The following DNAJC11 variants were observed in gnomAD, a reference collection of about 807,000 sequenced individuals.
DNAJC11 encodes the protein DnaJ heat shock protein family (Hsp40) member C11.
Under a neutral mutation model 78.6 loss-of-function variants are expected in DNAJC11, and 15 were observed. The observed-to-expected ratio is 0.19, with a 90% confidence interval of 0.13 to 0.29. The LOEUF is 0.29. Ranked by LOEUF, DNAJC11 falls within the 10% of genes least tolerant of loss-of-function variation. DNAJC11 has a pLI of 1.00. For missense variants in DNAJC11, 547 were observed against 709.6 expected (o/e 0.77, Z 2.60); for synonymous variants, 292 against 272.1 (o/e 1.07, Z -0.72).
chr1:6,637,934 G>T, intron 12 of DNAJC11: 1 of 380,096 alleles, frequency 2.6e-6, no homozygotes, highest in Non-Finnish European at 4.8e-6. Context: ...TAGCTGTGCC[G>T]CCCCCTCAGA....
intron 4 of DNAJC11, among the ~76,000 whole-genome samples, chr1:6,661,723 C>T (rs1318115554): frequency 6.6e-6 from 1 of 152,146 alleles, no homozygotes; most frequent in Non-Finnish European, 1.5e-5. Flanking sequence ...CCTTCTTCTG[C>T]CCCATCATCC....
chr1:6,701,240 C>T (rs1570323553), intron 1 of DNAJC11, among the ~76,000 whole-genome samples: 1 of 152,126 alleles, frequency 6.6e-6, no homozygotes, highest in African/African-American at 2.4e-5. Flanking sequence ...GCAGAGCGTC[C>T]CCACGAAAGA....
At chr1:6,686,239 GGAATAACTTAA>G (rs1243383386) in intron 1 of DNAJC11, among the ~76,000 whole-genome samples, 5 of 151,904 alleles carry the variant, frequency 3.3e-5, no homozygotes, top group Non-Finnish European at 5.9e-5. Flanking sequence ...AGAATGTAAA[GGAATAACTTAA>G]GAATAACTTA....
At chr1:6,636,370 G>A in intron 14 of DNAJC11, 124 bp from the exon 15 acceptor site, 2 of 1,376,254 alleles carry the variant, frequency 1.5e-6, no homozygotes, top group South Asian at 1.4e-5. Context: ...CAAACTTTGG[G>A]GCATGAAGAA....
chr1:6,662,142 T>G (rs867214268), intron 4 of DNAJC11, among the ~76,000 whole-genome samples: 24 of 149,978 alleles, frequency 1.6e-4, no homozygotes, highest in African/African-American at 5.2e-4. Flanking sequence ...TTTGTTTTTT[T>G]TTTTTGTAGA....
At chr1:6,655,766 G>A (rs925349787) in intron 4 of DNAJC11, among the ~76,000 whole-genome samples, 21 of 151,898 alleles carry the variant, frequency 1.4e-4, no homozygotes, top group East Asian at 3.9e-4. Flanking sequence ...CCAAGATTGC[G>A]CCACTGCACT....
intron 7 of DNAJC11, 61 bp downstream of exon 7, chr1:6,651,468 A>G: frequency 2.1e-6 from 3 of 1,417,458 alleles, no homozygotes; most frequent in Non-Finnish European, 3.0e-6. Context: ...AAGAACACAC[A>G]GTTCTAGTCT....
In DNAJC11 at chr1:6,634,972, C is replaced by A; in HGVS notation, c.*703G>T. ...CCGCTGGTGGCAGGGCGTTTTCCCA[C>A]CGGGATACGGGAAGCCACCTGTGTC... On this transcript the variant is annotated 3_prime_UTR_variant, in exon 16 of 16. Transcript: ENST00000377577. 2 of 898,242 alleles carry A rather than the reference C, an allele frequency of 2.2e-6. No homozygotes were observed. Among genetic ancestry groups the A allele is most frequent in the Non-Finnish European group, 2.9e-6 (2 of 684,536 alleles). The allele number at this position is 898,242 out of a possible 1,614,324, so 55.6% of individuals were successfully genotyped here.
chr1:6,687,488 T>G (rs1341264338), intron 1 of DNAJC11, among the ~76,000 whole-genome samples: 3 of 151,818 alleles, frequency 2.0e-5, no homozygotes. Flanking sequence ...TCTTGAGTAG[T>G]TGGGACTACA....
Position 6,667,788 on chromosome 1 carries a change from G to C in DNAJC11, c.299C>G (p.Pro100Arg), listed in dbSNP as rs1642314800. The C allele has an allele frequency of 6.2e-7, 1 of 1,614,012 alleles. No homozygotes were observed. Among genetic ancestry groups the C allele is most frequent in the Non-Finnish European group, 8.5e-7 (1 of 1,180,032 alleles). ...CTCAAACTCCTCTCGAATTTCAGCA[G>C]GGGTTCTCCTCCTTTCCACAACCTA... ...GWEVVERRRT[P>R]AEIREEFERL... The change falls in exon 4 of 16, where the codon CCT becomes CGT. Residue 100 changes from proline to arginine, a missense_variant. Coordinates refer to ENST00000377577, the MANE Select transcript of DNAJC11 (RefSeq NM_018198.4).
In DNAJC11 at chr1:6,635,356, GGCGGGCT is replaced by G. The variant is rs550113710; in HGVS notation, c.*312_*318del. 397 of 282,508 alleles carry G rather than the reference GGCGGGCT, an allele frequency of 1.4e-3. 1 individual carries two copies. The highest frequency in any genetic ancestry group is 2.3e-3 in the Non-Finnish European group (348 of 148,774). 17.5% of individuals were successfully genotyped at this position (282,508 alleles called of 1,614,324 possible). A position where few individuals can be genotyped will look rare whatever the true frequency, so the allele number is the denominator to read the frequency against. On this transcript the variant is annotated 3_prime_UTR_variant, in exon 16 of 16. Coordinates refer to ENST00000377577, the MANE Select transcript of DNAJC11 (RefSeq NM_018198.4). ...CAGACCCAGCCAAGAACTACAGGGC[GGCGGGCT>G]GCGGTCAGCACGTGTGCTCGGGACA...
At chr1:6,690,306 C>T (rs1010509628) in intron 1 of DNAJC11, among the ~76,000 whole-genome samples, 2 of 152,200 alleles carry the variant, frequency 1.3e-5, no homozygotes, top group African/African-American at 4.8e-5. Context: ...AAATACACGG[C>T]ATTCATTTGA....
At chr1:6,644,412 G>A in intron 10 of DNAJC11, 146 bp downstream of exon 10, 1 of 678,760 alleles carries the variant, frequency 1.5e-6, no homozygotes, top group Non-Finnish European at 2.6e-6. Context: ...GGGATTACAG[G>A]CATAAGCCAC....
At chr1:6,642,174 C>T (rs1641888309) in intron 10 of DNAJC11, among the ~76,000 whole-genome samples, 2 of 152,122 alleles carry the variant, frequency 1.3e-5, no homozygotes, top group Admixed American at 1.3e-4. Flanking sequence ...AGGAGTACTA[C>T]ATCACGGAGG....
chr1:6,700,885 C>G (rs772195771), intron 1 of DNAJC11, among the ~76,000 whole-genome samples: 15 of 152,168 alleles, frequency 9.9e-5, no homozygotes, highest in Non-Finnish European at 1.3e-4. Context: ...GAAACTGATC[C>G]ACCTCATGAC....
rs1239576888 is a variant in DNAJC11 at position 6,651,262 on chromosome 1, G to A, written c.704+267C>T. On this transcript the variant is annotated intron_variant, in intron 7 of 15. Transcript: ENST00000377577. ...TCCCTGAAGGCACTCTTTCTCCGTG[G>A]CCTTGTGGCATAGGTAAGGGAGGTG... 4.6e-6 allele frequency: 3 copies of A among 649,018 alleles called. No homozygotes were observed. The East Asian group carries it at 9.2e-5, about 20-fold the overall frequency. 40.2% of individuals were successfully genotyped at this position (649,018 alleles called of 1,614,324 possible). A position where few individuals can be genotyped will look rare whatever the true frequency, so the allele number is the denominator to read the frequency against.
intron 10 of DNAJC11, among the ~76,000 whole-genome samples, chr1:6,641,123 C>T (rs1274800701): frequency 5.3e-5 from 8 of 151,992 alleles, no homozygotes; most frequent in African/African-American, 1.2e-4. Context: ...CAGTGGCTCA[C>T]GCCTGTAATC....
At chr1:6,676,308 A>C (rs948457575) in intron 3 of DNAJC11, among the ~76,000 whole-genome samples, 4 of 152,202 alleles carry the variant, frequency 2.6e-5, no homozygotes, top group Non-Finnish European at 5.9e-5. Flanking sequence ...TCAAGAAAAG[A>C]CAGAAGACTG....
chr1:6,695,677 G>A (rs894238143), intron 1 of DNAJC11, among the ~76,000 whole-genome samples: 40 of 142,324 alleles, frequency 2.8e-4, no homozygotes, highest in African/African-American at 9.7e-4. Flanking sequence ...GTGTACTGGT[G>A]TGTGCCTGTA....
Sources: allele counts gnomAD v4.1 joint callset (sites outside exome capture counted in the v4.1 genomes callset), GRCh38; gene constraint gnomAD v4.1.1; transcripts MANE v1.5; gene names NCBI Gene and HGNC (gene_info 2026-07-23, HGNC 2026-07-21).